GPC5: variants seen among roughly 807,000 people sequenced by gnomAD.
GPC5 encodes the protein glypican 5.
A neutral mutation model predicts 53.9 loss-of-function variants in GPC5; 47 were observed. The observed-to-expected ratio is 0.87, with a 90% confidence interval of 0.69 to 1.11. The LOEUF is 1.11. GPC5 is among the 50% of genes most tolerant of loss of function. GPC5 has a pLI of 0.00. For missense variants in GPC5, 748 were observed against 713.1 expected (o/e 1.05, Z -0.56); for synonymous variants, 286 against 263.3 (o/e 1.09, Z -0.84).
chr13:92,035,685 T>G (rs1350663986), intron 6 of GPC5, among the ~76,000 whole-genome samples: 1 of 151,712 alleles, frequency 6.6e-6, no homozygotes. Context: ...TATTAAAAAT[T>G]TAAGCCTTCT....
At chr13:91,955,935 A>G (rs1488054844) in intron 6 of GPC5, among the ~76,000 whole-genome samples, 1 of 152,168 alleles carries the variant, frequency 6.6e-6, no homozygotes. Flanking sequence ...CACCCTGAGG[A>G]CAGCCTATGC....
At chr13:91,741,043 T>G (rs545112745) in intron 4 of GPC5, among the ~76,000 whole-genome samples, 2 of 152,146 alleles carry the variant, frequency 1.3e-5, no homozygotes, top group African/African-American at 4.8e-5. Flanking sequence ...TCAGAATGCA[T>G]GATTAAGGGG....
At chr13:92,822,292 T>G (rs368752043) in intron 7 of GPC5, among the ~76,000 whole-genome samples, 1 of 152,126 alleles carries the variant, frequency 6.6e-6, no homozygotes, top group Non-Finnish European at 1.5e-5. Flanking sequence ...GAAATATTTA[T>G]CTAGCCCTGA....
chr13:92,408,199 A>T (rs1875877424), intron 7 of GPC5, among the ~76,000 whole-genome samples: 1 of 152,290 alleles, frequency 6.6e-6, no homozygotes, highest in East Asian at 1.9e-4. Context: ...GCTCCTTATA[A>T]TAATCTAATG....
At chr13:92,710,523 T>A (rs1888099911) in intron 7 of GPC5, among the ~76,000 whole-genome samples, 1 of 152,204 alleles carries the variant, frequency 6.6e-6, no homozygotes. Context: ...AAGAGAAAAG[T>A]CTAAATATAA....
intron 6 of GPC5, among the ~76,000 whole-genome samples, chr13:92,087,006 C>T (rs1316159097): frequency 2.6e-5 from 4 of 152,204 alleles, no homozygotes; most frequent in African/African-American, 9.7e-5. Context: ...CAGGGAATGC[C>T]AGAATACACC....
At chr13:91,842,442 C>T (rs567509597) in intron 5 of GPC5, among the ~76,000 whole-genome samples, 3 of 149,664 alleles carry the variant, frequency 2.0e-5, no homozygotes, top group Non-Finnish European at 4.4e-5. Flanking sequence ...GTGGCTCACG[C>T]CTGTAATCCT....
chr13:91,556,584 C>T (rs964090184), intron 2 of GPC5, among the ~76,000 whole-genome samples: 1 of 150,994 alleles, frequency 6.6e-6, no homozygotes, highest in African/African-American at 2.4e-5. Flanking sequence ...CACACACAGA[C>T]ACCCACACAC....
intron 7 of GPC5, among the ~76,000 whole-genome samples, chr13:92,651,451 A>T (rs1242930984): frequency 6.6e-6 from 1 of 152,122 alleles, no homozygotes; most frequent in Non-Finnish European, 1.5e-5. Flanking sequence ...ATCCCAATTG[A>T]GGGGCATTCT....
chr13:92,026,634 A>G (rs185853857), intron 6 of GPC5, among the ~76,000 whole-genome samples: 1 of 152,044 alleles, frequency 6.6e-6, no homozygotes, highest in Admixed American at 6.6e-5. Context: ...TTTCTTAAGC[A>G]TACCTACTCC....
At chr13:92,542,887 T>C (rs1350802660) in intron 7 of GPC5, among the ~76,000 whole-genome samples, 1 of 152,098 alleles carries the variant, frequency 6.6e-6, no homozygotes, top group Non-Finnish European at 1.5e-5. Context: ...TGTGACTTGA[T>C]GTTTTTCTCT....
intron 7 of GPC5, among the ~76,000 whole-genome samples, chr13:92,660,112 C>T (rs549117490): frequency 6.6e-6 from 1 of 152,144 alleles, no homozygotes; most frequent in Non-Finnish European, 1.5e-5. Context: ...AGTTACCACT[C>T]TTAAGAATTT....
chr13:91,674,792 T>C (rs1232330345), intron 2 of GPC5, among the ~76,000 whole-genome samples: 1 of 151,366 alleles, frequency 6.6e-6, no homozygotes, highest in Non-Finnish European at 1.5e-5. Flanking sequence ...TTTTTAGACA[T>C]TAAAACATCA....
In GPC5 at chr13:92,638,368, T is replaced by A. The variant is rs532217249; in HGVS notation, c.1562-227914T>A. The stretch of plus-strand genomic sequence containing the variant: ...CTTCTCTTGGTCAATCAAGGTGAGA[T>A]GGCTGAAAAGAATGCTAAATCCTCA... On this transcript the variant is annotated intron_variant, in intron 7 of 7. Coordinates refer to ENST00000377067, the MANE Select transcript of GPC5 (RefSeq NM_004466.6). 3.1e-3 allele frequency among the ~76,000 whole-genome samples: 474 copies of A among 152,218 alleles called. 3 individuals carry two copies. Among genetic ancestry groups the A allele is most frequent in the Non-Finnish European group, 5.3e-3 (361 of 68,012 alleles).
chr13:91,558,999 T>A (rs1004739201), intron 2 of GPC5, among the ~76,000 whole-genome samples: 9 of 152,094 alleles, frequency 5.9e-5, no homozygotes, highest in Admixed American at 1.3e-4. Context: ...GAACACTTAC[T>A]GGTCAAATTA....
At chr13:91,887,929 T>G (rs992685623) in intron 5 of GPC5, among the ~76,000 whole-genome samples, 1 of 152,186 alleles carries the variant, frequency 6.6e-6, no homozygotes, top group East Asian at 1.9e-4. Flanking sequence ...CCCTCCAAAC[T>G]GTTACAACCT....
At chr13:91,725,614 G>A (rs1481654555) in intron 3 of GPC5, among the ~76,000 whole-genome samples, 3 of 152,086 alleles carry the variant, frequency 2.0e-5, no homozygotes, top group Non-Finnish European at 4.4e-5. Context: ...TATCTTATAA[G>A]TCTATGGCTA....
intron 5 of GPC5, among the ~76,000 whole-genome samples, chr13:91,902,175 T>G (rs1340982118): frequency 6.6e-6 from 1 of 152,040 alleles, no homozygotes; most frequent in African/African-American, 2.4e-5. Flanking sequence ...GGTGTGAATC[T>G]GAGCCAAATT....
chr13:92,526,028 T>C (rs1881268911), intron 7 of GPC5, among the ~76,000 whole-genome samples: 1 of 152,120 alleles, frequency 6.6e-6, no homozygotes, highest in Non-Finnish European at 1.5e-5. Flanking sequence ...CATAAACATG[T>C]TCAAGTATCT....
Sources: gnomAD v4.1 joint callset for allele counts (sites outside exome capture counted in the v4.1 genomes callset) on GRCh38, gnomAD v4.1.1 for gene constraint, MANE v1.5 for transcripts, NCBI Gene and HGNC (gene_info 2026-07-23, HGNC 2026-07-21) for gene names.